NUP155: variants seen among roughly 807,000 people sequenced by gnomAD.
The protein encoded by NUP155 is nuclear pore complex protein Nup155.
NUP155 carries 71 observed loss-of-function variants against 180.4 expected under a neutral mutation model. That is an observed-to-expected ratio of 0.39 (90% CI 0.33 to 0.48). The LOEUF is 0.48. Ranked by LOEUF, NUP155 falls within the 20% of genes least tolerant of loss-of-function variation. The pLI, the probability that NUP155 is intolerant of heterozygous loss-of-function variation, is 0.91. For missense variants in NUP155, 1,553 were observed against 1,648.9 expected (o/e 0.94, Z 1.01); for synonymous variants, 582 against 559.5 (o/e 1.04, Z -0.57).
chr5:37,297,813 C>T (rs528713001), intron 32 of NUP155, among the ~76,000 whole-genome samples: 20 of 151,836 alleles, frequency 1.3e-4, no homozygotes, highest in African/African-American at 4.8e-4. Flanking sequence ...GAAAGGGAAC[C>T]GTTTCCATAT....
At chr5:37,328,063 T>G (rs1245779752) in intron 17 of NUP155, among the ~76,000 whole-genome samples, 1 of 152,164 alleles carries the variant, frequency 6.6e-6, no homozygotes, top group Non-Finnish European at 1.5e-5. Flanking sequence ...GGAAACAAAC[T>G]TGCCAGTACT....
rs78648409 is a variant in NUP155 at position 37,328,573 on chromosome 5, G to A, written c.1814-153C>T. The stretch of plus-strand genomic sequence containing the variant: ...GGCTGGAGTGCAGTGGCATGATCTC[G>A]GCTCACTGCAACCTCTGTCTCCCGG... On this transcript the variant is annotated intron_variant, in intron 16 of 34. Transcript: ENST00000231498. 0.039 allele frequency among the ~76,000 whole-genome samples: 5,963 copies of A among 152,060 alleles called. 146 individuals are homozygous for A. The highest frequency in any genetic ancestry group is 0.08 in the South Asian group (386 of 4,796).
In NUP155 at chr5:37,368,209, C is replaced by CTT. The variant is rs58198308; in HGVS notation, c.157+2610_157+2611dup. On this transcript the variant is annotated intron_variant, in intron 1 of 34. Transcript: ENST00000231498. ...ACAGGCATGAGGCACAGCGCCAGGC[C>CTT]TTTTTTTTTTTTTTTTTTTTTTTTT... Among the ~76,000 whole-genome samples the CTT allele has an allele frequency of 3.5e-3, 187 of 52,866 alleles. 33 individuals carry two copies. The highest frequency in any genetic ancestry group is 0.013 in the African/African-American group (171 of 13,234). 34.7% of individuals were successfully genotyped at this position (52,866 alleles called of 152,430 possible).
chr5:37,295,257 C>T (rs1016907043), intron 32 of NUP155, among the ~76,000 whole-genome samples: 4 of 152,156 alleles, frequency 2.6e-5, no homozygotes, highest in South Asian at 2.1e-4. Context: ...CTGTGTTGGC[C>T]GGGCTGGTCT....
chr5:37,348,606 C>CA lies in NUP155; in HGVS notation c.904-11dup. On this transcript the variant is annotated splice_polypyrimidine_tract_variant and intron_variant, in intron 8 of 34. Transcript: ENST00000231498. ...GTCCCAAATCATACACCTGTGAATA[C>CA]AAAATCATTCTCACTTAAACATGAT... The CA allele has an allele frequency of 6.6e-7, 1 of 1,503,894 alleles. No homozygotes were observed. The highest frequency in any genetic ancestry group is 2.3e-5 in the East Asian group (1 of 44,314). The allele number at this position is 1,503,894 out of a possible 1,614,324, so 93.2% of individuals were successfully genotyped here. A position where few individuals can be genotyped will look rare whatever the true frequency, so the allele number is the denominator to read the frequency against.
rs916188571 is a variant in NUP155, at chr5:37,290,175, G to A, written c.*1725C>T. The A allele has an allele frequency of 6.6e-6, 1 of 152,140 alleles. No individual in the cohort carries two copies. The highest frequency in any genetic ancestry group is 2.4e-5 in the African/African-American group (1 of 41,428). The allele number at this position is 152,140 out of a possible 1,614,324, so 9.4% of individuals were successfully genotyped here. ...AAACAGAAGGTAATTATTTGTGGTA[G>A]CATAAAGAGAGAAGGGAATAGGCCA... On this transcript the variant is annotated 3_prime_UTR_variant, in exon 35 of 35. Coordinates refer to ENST00000231498, the MANE Select transcript of NUP155 (RefSeq NM_153485.3).
At chr5:37,346,882 A>T (rs1746125998) in intron 9 of NUP155, among the ~76,000 whole-genome samples, 1 of 152,100 alleles carries the variant, frequency 6.6e-6, no homozygotes, top group Admixed American at 6.6e-5. Flanking sequence ...TGTGTTCTGT[A>T]CTTGTGTCAA....
intron 22 of NUP155, among the ~76,000 whole-genome samples, chr5:37,311,236 A>G (rs1307467786): frequency 6.6e-6 from 1 of 152,214 alleles, no homozygotes; most frequent in Non-Finnish European, 1.5e-5. Context: ...TGTGACTGCT[A>G]TCTCTTTTTT....
At chr5:37,323,930 C>A (rs1744413833) in intron 20 of NUP155, 62 bp downstream of exon 20, 42 of 1,166,648 alleles carry the variant, frequency 3.6e-5, no homozygotes, top group Non-Finnish European at 5.4e-5. Flanking sequence ...GTATGTAAAT[C>A]ATCTCAACAA....
intron 17 of NUP155, among the ~76,000 whole-genome samples, 165 bp from the exon 18 acceptor site, chr5:37,327,941 A>AT (rs1447929444): frequency 6.6e-6 from 1 of 152,248 alleles, no homozygotes; most frequent in Non-Finnish European, 1.5e-5. Context: ...TATTTACAAA[A>AT]ACAATGAAAT....
rs149399050 is a variant in NUP155 at position 37,338,282 on chromosome 5, C to T, written c.1247-364G>A. On this transcript the variant is annotated intron_variant, in intron 11 of 34. Transcript: ENST00000231498. Reference sequence around the variant, plus strand: ...GCAGTAAGCTGAGATTGTGCCACTGCACTCCAGCCTGGGCGCCAGAGCAAG... The same window carrying T: ...GCAGTAAGCTGAGATTGTGCCACTGTACTCCAGCCTGGGCGCCAGAGCAAG... Among the ~76,000 whole-genome samples, 919 of 139,592 alleles carry T rather than the reference C, an allele frequency of 6.6e-3. 10 individuals are homozygous for T. The Middle Eastern group carries it at 0.067, about 10-fold the overall frequency. 91.6% of individuals were successfully genotyped at this position (139,592 alleles called of 152,430 possible).
chr5:37,350,307 A>C (rs1478383255), intron 6 of NUP155, 42 bp from the exon 7 acceptor site: 2 of 1,306,994 alleles, frequency 1.5e-6, no homozygotes, highest in East Asian at 2.3e-5. Context: ...AAAGTATGTA[A>C]CTCCCTTACA....
rs566048659 is a variant in NUP155 at position 37,303,886 on chromosome 5, G to A, written c.3163-472C>T. ...AGCCTAGGGAGGTCAAGGCTACAGT[G>A]AGCCATTATCGTGCCATTGCACTGC... is the stretch of plus-strand genomic sequence containing the variant. On this transcript the variant is annotated intron_variant, in intron 27 of 34. Coordinates refer to ENST00000231498, the MANE Select transcript of NUP155 (RefSeq NM_153485.3). 5.3e-5 allele frequency among the ~76,000 whole-genome samples: 8 copies of A among 152,186 alleles called. No individual in the cohort carries two copies. In the South Asian group the frequency reaches 1.5e-3, roughly 28 times the overall value.
intron 4 of NUP155, among the ~76,000 whole-genome samples, chr5:37,355,067 G>A (rs1207774113): frequency 6.6e-6 from 1 of 151,402 alleles, no homozygotes; most frequent in Non-Finnish European, 1.5e-5. Context: ...ACTCCAGCCT[G>A]GGCGACAGAA....
At chr5:37,292,674 T>C (rs1381780619) in intron 34 of NUP155, among the ~76,000 whole-genome samples, 1 of 152,192 alleles carries the variant, frequency 6.6e-6, no homozygotes, top group Non-Finnish European at 1.5e-5. Flanking sequence ...GAATACATTA[T>C]GTATGTTCAG....
intron 31 of NUP155, 121 bp downstream of exon 31, chr5:37,299,327 T>G (rs1742743721): frequency 5.1e-6 from 6 of 1,178,084 alleles, no homozygotes; most frequent in Admixed American, 1.7e-5. Flanking sequence ...ACTCTCTTCT[T>G]AGGTATACAC....
intron 34 of NUP155, among the ~76,000 whole-genome samples, chr5:37,292,623 A>G (rs1417246188): frequency 6.6e-6 from 1 of 152,162 alleles, no homozygotes; most frequent in East Asian, 1.9e-4. Context: ...ACATAATTGA[A>G]ATGTTTTGGT....
At chr5:37,343,312 G>A (rs938199054) in intron 9 of NUP155, among the ~76,000 whole-genome samples, 2 of 152,050 alleles carry the variant, frequency 1.3e-5, no homozygotes, top group Non-Finnish European at 2.9e-5. Flanking sequence ...CTGACCTCAT[G>A]ATCCGCCTGC....
At chr5:37,338,146 C>T (rs1745468009) in intron 11 of NUP155, among the ~76,000 whole-genome samples, 4 of 151,754 alleles carry the variant, frequency 2.6e-5, no homozygotes, top group African/African-American at 9.7e-5. Flanking sequence ...TGGTGAAACC[C>T]TGTTTCTACT....
Sources: allele counts gnomAD v4.1 joint callset (sites outside exome capture counted in the v4.1 genomes callset), GRCh38; gene constraint gnomAD v4.1.1; transcripts MANE v1.5; gene names NCBI Gene and HGNC (gene_info 2026-07-23, HGNC 2026-07-21).